F2R: variants seen among roughly 807,000 people sequenced by gnomAD.
The protein encoded by F2R is proteinase-activated receptor 1.
A neutral mutation model predicts 18.3 loss-of-function variants in F2R; 12 were observed. The observed-to-expected ratio is 0.66, with a 90% CI of 0.42 to 1.06. F2R has a LOEUF of 1.06. Among genes scored for constraint, F2R ranks in the 50% least tolerant of loss-of-function variants. The probability of loss-of-function intolerance (pLI) is 0.00; values close to 1 mark genes in which losing one functional copy is unlikely to be tolerated. For synonymous variants in F2R, 210 were observed against 219.9 expected, an observed-to-expected ratio of 0.95 and a Z score of 0.40; for missense variants, 438 against 530.8, an observed-to-expected ratio of 0.83 and a Z score of 1.72.
intron 1 of F2R, among the ~76,000 whole-genome samples, chr5:76,725,307 G>A (rs575066161): frequency 2.0e-5 from 3 of 152,050 alleles, no homozygotes; most frequent in South Asian, 4.2e-4. Context: ...TGCTGTATTC[G>A]ATAACAAAAC....
Position 76,716,141 on chromosome 5 carries a change from A to C in F2R, c.-167A>C. 2.7e-5 allele frequency: 11 copies of C among 402,326 alleles called. No homozygotes were observed. The highest frequency in any genetic ancestry group is 8.4e-5 in the South Asian group (1 of 11,902). 24.9% of individuals were successfully genotyped at this position (402,326 alleles called of 1,614,324 possible). A position where few individuals can be genotyped will look rare whatever the true frequency, so the allele number is the denominator to read the frequency against. ...CCGCCCCGCTAACCGCCCCAGACACAGCGCTCGCCGAGGGTCGCTTGGACC... is the reference window on the plus strand; with the variant it reads ...CCGCCCCGCTAACCGCCCCAGACACCGCGCTCGCCGAGGGTCGCTTGGACC... On this transcript the variant is annotated 5_prime_UTR_variant, in exon 1 of 2. Transcript: ENST00000319211.
rs1401244969 is a variant in F2R, at chr5:76,732,337, T to C, written c.112T>C (p.Leu38=). ...AGAATCAAAAGCAACAAATGCCACC[T>C]TAGATCCCCGGTCATTTCTTCTCAG... ...RPESKATNAT[L]DPRSFLLRNP... is the part of the protein sequence containing the mutation. The change falls in exon 2 of 2, where the codon TTA becomes CTA. Residue 38 remains leucine (L), a synonymous_variant. Coordinates refer to ENST00000319211, the MANE Select transcript of F2R (RefSeq NM_001992.5). The C allele has an allele frequency of 1.2e-6, 2 of 1,605,560 alleles. No individual in the cohort carries two copies. The highest frequency in any genetic ancestry group is 2.7e-5 in the African/African-American group (2 of 74,602).
intron 1 of F2R, among the ~76,000 whole-genome samples, chr5:76,719,741 A>AT (rs1288010830): frequency 3.9e-5 from 6 of 152,220 alleles, no homozygotes; most frequent in Non-Finnish European, 7.3e-5. Context: ...CTAGTACAGT[A>AT]TGGATTTACC....
At chr5:76,718,437 C>T (rs1239299619) in intron 1 of F2R, among the ~76,000 whole-genome samples, 1 of 152,228 alleles carries the variant, frequency 6.6e-6, no homozygotes, top group Non-Finnish European at 1.5e-5. Flanking sequence ...GAACCGCCAC[C>T]GCTGTGATAG....
At chr5:76,717,300 G>A (rs1748364534) in intron 1 of F2R, among the ~76,000 whole-genome samples, 1 of 152,186 alleles carries the variant, frequency 6.6e-6, no homozygotes, top group African/African-American at 2.4e-5. Flanking sequence ...GTTGTTTTTA[G>A]CCTGTAAAGG....
rs1748722977 is a variant in F2R at position 76,733,481 on chromosome 5, T to C, written c.1256T>C (p.Ile419Thr). ...TGCTCTAGTAACCTGAATAACAGCA[T>C]ATACAAAAAGCTGTTAACTTAGGAA... ...DTCSSNLNNS[I>T]YKKLLT is the part of the protein sequence containing the mutation. The change falls in exon 2 of 2, where the codon ATA (isoleucine) becomes ACA (threonine). Residue 419 changes from isoleucine (I) to threonine (T), a missense_variant. Ile to Thr is a moderately conservative substitution (Grantham distance 89, BLOSUM62 -1). Transcript: ENST00000319211. The C allele has an allele frequency of 6.2e-7, 1 of 1,611,094 alleles. No individual in the cohort carries two copies. Among genetic ancestry groups the C allele is most frequent in the Non-Finnish European group, 8.5e-7 (1 of 1,179,068 alleles).
rs112493851 is a variant in F2R, at chr5:76,726,646, A to G, written c.89-5668A>G. 1.9e-3 allele frequency among the ~76,000 whole-genome samples: 292 copies of G among 152,224 alleles called. 2 individuals carry two copies. Among genetic ancestry groups the G allele is most frequent in the African/African-American group, 6.5e-3 (272 of 41,560 alleles). ...AACTGGGGAGGCAGAGGTTGCAGTG[A>G]GCCAAAATCGCACCACTGCTCTCCA... On this transcript the variant is annotated intron_variant, in intron 1 of 1. Coordinates refer to ENST00000319211, the MANE Select transcript of F2R (RefSeq NM_001992.5).
intron 1 of F2R, among the ~76,000 whole-genome samples, chr5:76,729,495 G>A (rs1376845366): frequency 6.6e-6 from 1 of 152,146 alleles, no homozygotes; most frequent in Non-Finnish European, 1.5e-5. Context: ...CTGTGCAGAA[G>A]CTTTTTACTT....
At position 76,716,160 on chromosome 5, in the gene F2R, T is replaced by G; in HGVS notation, c.-148T>G. ...AGACACAGCGCTCGCCGAGGGTCGC[T>G]TGGACCCTGATCTTACCCGTGGGCA... On this transcript the variant is annotated 5_prime_UTR_variant, in exon 1 of 2. Transcript: ENST00000319211. 1.2e-5 allele frequency: 6 copies of G among 502,766 alleles called. No homozygotes were observed. The highest frequency in any genetic ancestry group is 7.5e-5 in the East Asian group (2 of 26,702). 31.1% of individuals were successfully genotyped at this position (502,766 alleles called of 1,614,324 possible).
chr5:76,716,940 T>C (rs898116568), intron 1 of F2R, among the ~76,000 whole-genome samples: 3 of 152,162 alleles, frequency 2.0e-5, no homozygotes, highest in African/African-American at 7.2e-5. Context: ...CCCGGCCTTG[T>C]GTCCAGGAGG....
intron 1 of F2R, among the ~76,000 whole-genome samples, chr5:76,718,486 G>C (rs899179941): frequency 3.9e-5 from 6 of 152,224 alleles, no homozygotes; most frequent in Admixed American, 6.5e-5. Context: ...TGTGCCAAGA[G>C]GGGCGGTGAA....
Position 76,733,684 on chromosome 5 carries a change from C to G in F2R, c.*181C>G, listed in dbSNP as rs979011519. The stretch of plus-strand genomic sequence containing the variant: ...TTTTTGTCAATTACCAGAAAGATAA[C>G]AGGACGAGATGACGGTGTTATTCCA... On this transcript the variant is annotated 3_prime_UTR_variant, in exon 2 of 2. Coordinates refer to ENST00000319211, the MANE Select transcript of F2R (RefSeq NM_001992.5). 1.2e-5 allele frequency: 7 copies of G among 587,518 alleles called. No individual in the cohort carries two copies. In the African/African-American group the frequency reaches 1.3e-4, roughly 11 times the overall value. 36.4% of individuals were successfully genotyped at this position (587,518 alleles called of 1,614,324 possible). A position where few individuals can be genotyped will look rare whatever the true frequency, so the allele number is the denominator to read the frequency against.
chr5:76,731,977 C>T (rs776162123), intron 1 of F2R, among the ~76,000 whole-genome samples: 1 of 152,200 alleles, frequency 6.6e-6, no homozygotes, highest in Non-Finnish European at 1.5e-5. Flanking sequence ...TTTATATAGA[C>T]AGTGGCTAGC....
intron 1 of F2R, chr5:76,716,624 G>C: frequency 1.4e-6 from 1 of 732,108 alleles, no homozygotes; most frequent in Non-Finnish European, 2.5e-6. Flanking sequence ...GGTGCAGCCC[G>C]CCTGCCACGG....
At chr5:76,725,210 A>T (rs889493753) in intron 1 of F2R, among the ~76,000 whole-genome samples, 1 of 152,248 alleles carries the variant, frequency 6.6e-6, no homozygotes, top group African/African-American at 2.4e-5. Flanking sequence ...GACAGATCTC[A>T]TCACAGTCAG....
chr5:76,728,837 T>A (rs1748619346), intron 1 of F2R, among the ~76,000 whole-genome samples: 1 of 152,094 alleles, frequency 6.6e-6, no homozygotes, highest in Non-Finnish European at 1.5e-5. Context: ...ATTATAGGTA[T>A]GCGCTACCAA....
intron 1 of F2R, 44 bp from the exon 2 acceptor site, chr5:76,732,270 C>T (rs756312636): frequency 3.4e-6 from 5 of 1,449,700 alleles, no homozygotes; most frequent in South Asian, 1.4e-5. Flanking sequence ...CTTGTTGATG[C>T]GTTCACTTTT....
chr5:76,719,600 GA>G (rs1330304346), intron 1 of F2R, among the ~76,000 whole-genome samples: 7 of 146,030 alleles, frequency 4.8e-5, no homozygotes, highest in Non-Finnish European at 7.5e-5. Context: ...AAAAAAAAAA[GA>G]GGTGGAATTG....
At chr5:76,726,524 G>A (rs1008070947) in intron 1 of F2R, among the ~76,000 whole-genome samples, 16 of 150,638 alleles carry the variant, frequency 1.1e-4, no homozygotes, top group Non-Finnish European at 1.9e-4. Flanking sequence ...GCGAAAGAGC[G>A]AGACTCTGTC....
Sources: allele counts gnomAD v4.1 joint callset (sites outside exome capture counted in the v4.1 genomes callset), GRCh38; gene constraint gnomAD v4.1.1; transcripts MANE v1.5; gene names NCBI Gene and HGNC (gene_info 2026-07-23, HGNC 2026-07-21).